Variants in NEXMIF observed in about 807,000 individuals in gnomAD.
NEXMIF encodes neurite extension and migration factor, also known as XLMR protein related to neurite extension.
Under a neutral mutation model 62.1 loss-of-function variants are expected in NEXMIF, and 8 were observed. The ratio of observed to expected loss-of-function variants is 0.13; its 90% CI spans 0.08 to 0.23. The LOEUF (loss-of-function observed/expected upper bound fraction) is 0.23. Ranked by LOEUF, NEXMIF falls within the 10% of genes least tolerant of loss-of-function variation. The pLI, the probability that NEXMIF is intolerant of heterozygous loss-of-function variation, is 1.00. For synonymous variants in NEXMIF, 404 were observed against 416.6 expected, an observed-to-expected ratio of 0.97 and a Z score of 0.37; for missense variants, 976 against 1,113.3, an observed-to-expected ratio of 0.88 and a Z score of 1.75.
intron 1 of NEXMIF, among the ~76,000 whole-genome samples, chrX:74,889,939 C>A (rs1474641529): frequency 1.9e-5 from 2 of 103,999 alleles, no homozygotes; most frequent in African/African-American, 7.3e-5. Flanking sequence ...CTAACCTAAT[C>A]CTAACCTAAT....
intron 1 of NEXMIF, among the ~76,000 whole-genome samples, chrX:74,861,575 A>T (rs1370887812): frequency 9.0e-6 from 1 of 111,641 alleles, no homozygotes; most frequent in East Asian, 2.8e-4. Flanking sequence ...ATGAAAACAA[A>T]TGTTAAGGGC....
chrX:74,919,238 G>T (rs2080817902), intron 1 of NEXMIF, among the ~76,000 whole-genome samples: 1 of 111,860 alleles, frequency 8.9e-6, no homozygotes, highest in African/African-American at 3.2e-5. Context: ...CAGGCATTTA[G>T]GAGAGATGCC....
rs2080084463 is a variant in NEXMIF, at chrX:74,736,165, C to G, written c.*3240G>C. 1 of 110,633 alleles carries G rather than the reference C, an allele frequency of 9.0e-6. No homozygotes were observed. 9.1% of individuals were successfully genotyped at this position (110,633 alleles called of 1,213,427 possible). A position where few individuals can be genotyped will look rare whatever the true frequency, so the allele number is the denominator to read the frequency against. On this transcript the variant is annotated 3_prime_UTR_variant, in exon 4 of 4. Transcript: ENST00000055682. ...ATGTAACACAACTGTCCTTGTACCCCTACTCTATAAAAATTAAAAAAAATT... is the reference window on the plus strand; with the variant it reads ...ATGTAACACAACTGTCCTTGTACCCGTACTCTATAAAAATTAAAAAAAATT...
rs2080076968 is a variant in NEXMIF, at chrX:74,733,266, G to A, written c.*6139C>T. On this transcript the variant is annotated 3_prime_UTR_variant, in exon 4 of 4. Coordinates refer to ENST00000055682, the MANE Select transcript of NEXMIF (RefSeq NM_001008537.3). ...GATGAGTGGACTTGTCTCAAACAGG[G>A]TACCAACTTTTTGCAATTCGTTTCT... is the stretch of plus-strand genomic sequence containing the variant. The A allele has an allele frequency of 8.9e-6, 1 of 112,021 alleles. No individual in the cohort carries two copies. Among genetic ancestry groups the A allele is most frequent in the Admixed American group, 9.5e-5 (1 of 10,533 alleles). 9.2% of individuals were successfully genotyped at this position (112,021 alleles called of 1,213,427 possible). A position where few individuals can be genotyped will look rare whatever the true frequency, so the allele number is the denominator to read the frequency against.
intron 1 of NEXMIF, among the ~76,000 whole-genome samples, chrX:74,814,529 T>C (rs1447138994): frequency 1.8e-5 from 2 of 111,876 alleles, no homozygotes; most frequent in Non-Finnish European, 3.8e-5. Context: ...CTCTTGCTAT[T>C]TCCTGGGGGA....
chrX:74,849,651 T>A (rs1387968259), intron 1 of NEXMIF, among the ~76,000 whole-genome samples: 1 of 112,818 alleles, frequency 8.9e-6, no homozygotes, highest in African/African-American at 3.2e-5. Context: ...ATCATCCATC[T>A]GTAGCCACCA....
chrX:74,816,527 G>A (rs2080376548), intron 1 of NEXMIF, among the ~76,000 whole-genome samples: 1 of 111,730 alleles, frequency 9.0e-6, no homozygotes, highest in African/African-American at 3.2e-5. Context: ...TAATTCTTAA[G>A]TGATTTATTC....
chrX:74,774,280 G>A (rs1038083609), intron 1 of NEXMIF, among the ~76,000 whole-genome samples: 2 of 111,362 alleles, frequency 1.8e-5, no homozygotes, highest in African/African-American at 6.5e-5. Flanking sequence ...AGAAAACTAA[G>A]GACAAGGGAA....
intron 1 of NEXMIF, among the ~76,000 whole-genome samples, chrX:74,908,856 G>A (rs200282694): frequency 4.5e-5 from 5 of 111,780 alleles, no homozygotes; most frequent in South Asian, 3.8e-4. Context: ...CCCCCATACC[G>A]TTGTTGTGGT....
intron 1 of NEXMIF, among the ~76,000 whole-genome samples, chrX:74,789,401 T>G (rs1212612938): frequency 9.3e-6 from 1 of 107,705 alleles, no homozygotes; most frequent in African/African-American, 3.4e-5. Context: ...TGGTTCCAAG[T>G]CTTTGCTATT....
chrX:74,869,699 AAAAT>A (rs1224898303), intron 1 of NEXMIF, among the ~76,000 whole-genome samples: 5 of 112,151 alleles, frequency 4.5e-5, no homozygotes, highest in African/African-American at 1.6e-4. Flanking sequence ...TGAAATAAAG[AAAAT>A]AATTCCATTT....
intron 1 of NEXMIF, among the ~76,000 whole-genome samples, chrX:74,762,213 G>A (rs778268113): frequency 3.8e-5 from 4 of 105,583 alleles, no homozygotes; most frequent in East Asian, 3.0e-4. Flanking sequence ...GAGAACATGC[G>A]GTGTTTGGTT....
chrX:74,834,622 G>A (rs1297555463), intron 1 of NEXMIF, among the ~76,000 whole-genome samples: 2 of 111,746 alleles, frequency 1.8e-5, no homozygotes, highest in East Asian at 5.6e-4. Context: ...AATATGTCAT[G>A]CCACTCTCTC....
At chrX:74,904,254 G>A (rs2080759082) in intron 1 of NEXMIF, among the ~76,000 whole-genome samples, 1 of 111,265 alleles carries the variant, frequency 9.0e-6, no homozygotes, top group South Asian at 3.8e-4. Context: ...TACTTTAGTA[G>A]CAGGAATCCT....
intron 1 of NEXMIF, among the ~76,000 whole-genome samples, chrX:74,799,157 A>G (rs1432266188): frequency 9.0e-6 from 1 of 110,801 alleles, no homozygotes; most frequent in East Asian, 2.8e-4. Flanking sequence ...GAGCCATCAC[A>G]CCTGGCCACT....
intron 1 of NEXMIF, among the ~76,000 whole-genome samples, chrX:74,836,677 C>G (rs1235904135): frequency 9.0e-6 from 1 of 111,711 alleles, no homozygotes; most frequent in African/African-American, 3.3e-5. Flanking sequence ...ACGAAGTCCT[C>G]TTTCATCTTT....
intron 1 of NEXMIF, among the ~76,000 whole-genome samples, chrX:74,873,417 T>A (rs2080612597): frequency 8.9e-6 from 1 of 112,098 alleles, no homozygotes; most frequent in Non-Finnish European, 1.9e-5. Context: ...TGGTTCCAAG[T>A]CTTTGCTATT....
chrX:74,835,084 A>G (rs1347305633), intron 1 of NEXMIF, among the ~76,000 whole-genome samples: 1 of 112,098 alleles, frequency 8.9e-6, no homozygotes, highest in Non-Finnish European at 1.9e-5. Context: ...TTCTGCTAAG[A>G]GACTCTGATG....
chrX:74,818,099 A>C lies in NEXMIF; in HGVS notation c.-47-72402T>G, dbSNP rs765970826. ...AATGACATTTTTCACAGAATTAAAA[A>C]AAAATTATAAAAAAAATTATAAAAA... is the stretch of plus-strand genomic sequence containing the variant. On this transcript the variant is annotated intron_variant, in intron 1 of 3. Coordinates refer to ENST00000055682, the MANE Select transcript of NEXMIF (RefSeq NM_001008537.3). 7.3e-5 allele frequency among the ~76,000 whole-genome samples: 8 copies of C among 110,088 alleles called. No individual in the cohort carries two copies. In the East Asian group the frequency reaches 2.2e-3, roughly 31 times the overall value.
Sources: gnomAD v4.1 joint callset for allele counts (sites outside exome capture counted in the v4.1 genomes callset) on GRCh38, gnomAD v4.1.1 for gene constraint, MANE v1.5 for transcripts, NCBI Gene and HGNC (gene_info 2026-07-23, HGNC 2026-07-21) for gene names.